Variants in ENTPD3 observed in about 807,000 individuals in gnomAD.
ENTPD3 encodes the protein CD39 antigen-like 3.
ENTPD3 carries 60 observed loss-of-function variants against 51.2 expected under a neutral mutation model. The observed-to-expected ratio is 1.17, with a 90% CI of 0.95 to 1.45. The LOEUF (loss-of-function observed/expected upper bound fraction) is 1.45. Among genes scored for constraint, ENTPD3 ranks in the 40% most tolerant of loss-of-function variants. The pLI is 0.00. For missense variants in ENTPD3, 593 were observed against 641.1 expected (o/e 0.93, Z 0.81); for synonymous variants, 221 against 238.4 (o/e 0.93, Z 0.67).
intron 7 of ENTPD3, among the ~76,000 whole-genome samples, chr3:40,422,648 A>T (rs1955902286): frequency 6.6e-6 from 1 of 151,438 alleles, no homozygotes; most frequent in South Asian, 2.1e-4. Context: ...GAGAATGATG[A>T]TTTTCAATTT....
At chr3:40,401,970 T>C (rs1955367965) in intron 4 of ENTPD3, among the ~76,000 whole-genome samples, 1 of 152,152 alleles carries the variant, frequency 6.6e-6, no homozygotes, top group African/African-American at 2.4e-5. Flanking sequence ...AGTGTTTCTG[T>C]TTTTTAAAAC....
rs139942212 is a variant in ENTPD3, at chr3:40,410,211, C to T, written c.287-1601C>T. Among the ~76,000 whole-genome samples, 25 of 152,226 alleles carry T rather than the reference C, an allele frequency of 1.6e-4. No individual in the cohort carries two copies. In the East Asian group the frequency reaches 3.7e-3, roughly 22 times the overall value. On this transcript the variant is annotated intron_variant, in intron 4 of 10. Transcript: ENST00000301825. Reference sequence around the variant, plus strand: ...ATCCCAGCACTTTGGGAGGCTGAAGCGGGTGGATCACTTGAGGCCAGGAGT... The same window carrying T: ...ATCCCAGCACTTTGGGAGGCTGAAGTGGGTGGATCACTTGAGGCCAGGAGT...
intron 4 of ENTPD3, among the ~76,000 whole-genome samples, chr3:40,403,602 C>T (rs1276692009): frequency 6.6e-6 from 1 of 151,818 alleles, no homozygotes; most frequent in African/African-American, 2.4e-5. Context: ...GGGTATATTG[C>T]ACGGCACGGT....
chr3:40,405,616 C>T (rs1392074101), intron 4 of ENTPD3, among the ~76,000 whole-genome samples: 1 of 152,070 alleles, frequency 6.6e-6, no homozygotes, highest in Non-Finnish European at 1.5e-5. Flanking sequence ...ACCCTCTCTC[C>T]CCATATTGAA....
chr3:40,409,051 G>A (rs1199799494), intron 4 of ENTPD3, among the ~76,000 whole-genome samples: 2 of 152,006 alleles, frequency 1.3e-5, no homozygotes, highest in Non-Finnish European at 2.9e-5. Flanking sequence ...TCAGGAGTTT[G>A]AGACCAGCCT....
In ENTPD3 at chr3:40,428,137, G is replaced by A. The variant is rs551163607; in HGVS notation, c.*629G>A. On this transcript the variant is annotated 3_prime_UTR_variant, in exon 11 of 11. Coordinates refer to ENST00000301825, the MANE Select transcript of ENTPD3 (RefSeq NM_001248.4). ...CAGAAAACTATAGACCATTCTCCAA[G>A]TGGAATTCCCACTTAGGGCTCTGGT... The A allele has an allele frequency of 6.5e-6, 1 of 153,850 alleles. No homozygotes were observed. Among genetic ancestry groups the A allele is most frequent in the African/African-American group, 2.4e-5 (1 of 41,556 alleles). The allele number at this position is 153,850 out of a possible 1,614,324, so 9.5% of individuals were successfully genotyped here. A position where few individuals can be genotyped will look rare whatever the true frequency, so the allele number is the denominator to read the frequency against.
At chr3:40,402,603 T>TGG (rs1377768976) in intron 4 of ENTPD3, among the ~76,000 whole-genome samples, 1 of 152,220 alleles carries the variant, frequency 6.6e-6, no homozygotes, top group Non-Finnish European at 1.5e-5. Context: ...ATATTCTAAA[T>TGG]ATGAATTCTT....
At chr3:40,416,403 G>A (rs1477802785) in intron 7 of ENTPD3, among the ~76,000 whole-genome samples, 3 of 152,148 alleles carry the variant, frequency 2.0e-5, no homozygotes, top group Non-Finnish European at 4.4e-5. Context: ...AAATAAGCCT[G>A]AGAATTTTGA....
intron 3 of ENTPD3, among the ~76,000 whole-genome samples, chr3:40,395,832 G>A (rs1159052348): frequency 6.6e-6 from 1 of 152,158 alleles, no homozygotes; most frequent in African/African-American, 2.4e-5. Context: ...AAGGCCTGAG[G>A]GGATGTGGGC....
chr3:40,388,179 A>G, intron 2 of ENTPD3, 82 bp downstream of exon 2: 1 of 1,262,452 alleles, frequency 7.9e-7, no homozygotes, highest in East Asian at 2.3e-5. Context: ...TTTTTCATCC[A>G]TATCCCCTGC....
intron 9 of ENTPD3, 27 bp downstream of exon 9, chr3:40,423,428 T>C (rs775847681): frequency 6.9e-7 from 1 of 1,450,182 alleles, no homozygotes; most frequent in Non-Finnish European, 9.7e-7. Flanking sequence ...AAGGGATCAA[T>C]GTCAGTACAA....
intron 6 of ENTPD3, 118 bp downstream of exon 6, chr3:40,414,958 G>A (rs1955712475): frequency 3.0e-6 from 3 of 1,005,382 alleles, no homozygotes; most frequent in Admixed American, 4.0e-5. Flanking sequence ...CTCCTACCAT[G>A]TAACGCATTA....
At chr3:40,417,991 C>T (rs1955786672) in intron 7 of ENTPD3, among the ~76,000 whole-genome samples, 1 of 152,080 alleles carries the variant, frequency 6.6e-6, no homozygotes, top group Non-Finnish European at 1.5e-5. Context: ...TGTTTTTGTA[C>T]TCATACAATG....
rs370656485 is a variant in ENTPD3, at chr3:40,415,944, G to A, written c.702G>A (p.Lys234=). ...AAATATCCTTCGTGGCAGGAGAGAAGATGGATCTGAACACCAGCGACATCA... is the reference window on the plus strand; with the variant it reads ...AAATATCCTTCGTGGCAGGAGAGAAAATGGATCTGAACACCAGCGACATCA... ...STQISFVAGE[K]MDLNTSDIMQ... is the part of the protein sequence containing the mutation. Residue 234 remains lysine (K), a synonymous_variant, in exon 7 of 11, where the codon AAG becomes AAA. Coordinates refer to ENST00000301825, the MANE Select transcript of ENTPD3 (RefSeq NM_001248.4). 2.1e-5 allele frequency: 34 copies of A among 1,614,180 alleles called. No homozygotes were observed. The African/African-American group carries it at 2.3e-4, about 11-fold the overall frequency.
chr3:40,427,948 TTAAC>T lies in ENTPD3; in HGVS notation c.*444_*447del. On this transcript the variant is annotated 3_prime_UTR_variant, in exon 11 of 11. Coordinates refer to ENST00000301825, the MANE Select transcript of ENTPD3 (RefSeq NM_001248.4). ...ATTTTATAGTTTTTCCCATTGGTCT[TTAAC>T]TAAGACTTTCTTGTAGCAATCTCGT... The T allele has an allele frequency of 5.0e-6, 1 of 201,204 alleles. No homozygotes were observed. Among genetic ancestry groups the T allele is most frequent in the Non-Finnish European group, 1.0e-5 (1 of 97,086 alleles). 12.5% of individuals were successfully genotyped at this position (201,204 alleles called of 1,614,324 possible).
rs183782106 is a variant in ENTPD3 at position 40,420,281 on chromosome 3, G to T, written c.832-2569G>T. ...GATGGAGTCTTGCTCTGTCACCCAG[G>T]CTGGAGTGCAGTGGTGTGATCTTGG... On this transcript the variant is annotated intron_variant, in intron 7 of 10. Coordinates refer to ENST00000301825, the MANE Select transcript of ENTPD3 (RefSeq NM_001248.4). 2.7e-3 allele frequency among the ~76,000 whole-genome samples: 305 copies of T among 111,398 alleles called. 2 individuals carry two copies. Among genetic ancestry groups the T allele is most frequent in the African/African-American group, 7.3e-3 (286 of 39,342 alleles). 73.1% of individuals were successfully genotyped at this position (111,398 alleles called of 152,430 possible). A position where few individuals can be genotyped will look rare whatever the true frequency, so the allele number is the denominator to read the frequency against.
intron 7 of ENTPD3, among the ~76,000 whole-genome samples, chr3:40,420,535 C>A (rs1466237): frequency 4.0e-5 from 6 of 151,756 alleles, no homozygotes; most frequent in Admixed American, 1.3e-4. Context: ...CACCACGCCC[C>A]GCATATTTTT....
chr3:40,427,237 G>T (rs1252803857), intron 10 of ENTPD3, 35 bp from the exon 11 acceptor site: 4 of 1,536,804 alleles, frequency 2.6e-6, no homozygotes, highest in Non-Finnish European at 3.6e-6. Context: ...CTTGAGCCTT[G>T]CCCTGAGCGC....
intron 3 of ENTPD3, among the ~76,000 whole-genome samples, chr3:40,400,264 C>CAA (rs374610863): frequency 8.1e-4 from 59 of 72,592 alleles, no homozygotes; most frequent in African/African-American, 2.1e-3. Flanking sequence ...AACTGCATCT[C>CAA]AAAAAAAAAA....
Sources: gnomAD v4.1 joint callset for allele counts (sites outside exome capture counted in the v4.1 genomes callset) on GRCh38, gnomAD v4.1.1 for gene constraint, MANE v1.5 for transcripts, NCBI Gene and HGNC (gene_info 2026-07-23, HGNC 2026-07-21) for gene names.